The following ARHGAP35 variants were observed in gnomAD, a reference collection of about 807,000 sequenced individuals.
ARHGAP35 encodes the protein rho GTPase-activating protein 35.
Under a neutral mutation model 111.1 loss-of-function variants are expected in ARHGAP35, and 15 were observed. The ratio of observed to expected loss-of-function variants is 0.13; its 90% CI spans 0.09 to 0.21. ARHGAP35 has a LOEUF of 0.21. Ranked by LOEUF, ARHGAP35 falls within the 10% of genes least tolerant of loss-of-function variation. ARHGAP35 has a pLI of 1.00. For synonymous variants in ARHGAP35, 643 were observed against 710.3 expected (o/e 0.91, Z 1.51); for missense variants, 1,262 against 1,873.0 (o/e 0.67, Z 6.02).
At chr19:46,870,004 T>A (rs1392202592) in intron 1 of ARHGAP35, among the ~76,000 whole-genome samples, 2 of 148,930 alleles carry the variant, frequency 1.3e-5, no homozygotes, top group Non-Finnish European at 3.0e-5. Flanking sequence ...TGGAGTGCAG[T>A]GGCGCCATCT....
chr19:46,991,088 G>A (rs1226002797), intron 5 of ARHGAP35, among the ~76,000 whole-genome samples: 11 of 152,168 alleles, frequency 7.2e-5, no homozygotes, highest in Admixed American at 2.6e-4. Context: ...AGTGGGTGGG[G>A]ACAGTTGCAG....
chr19:46,923,271 AT>A (rs1568469091), intron 2 of ARHGAP35, among the ~76,000 whole-genome samples: 2 of 151,914 alleles, frequency 1.3e-5, no homozygotes, highest in African/African-American at 4.8e-5. Flanking sequence ...TGCCCAGCTA[AT>A]TTTTTTATTT....
intron 1 of ARHGAP35, among the ~76,000 whole-genome samples, chr19:46,877,273 T>G (rs1474083302): frequency 1.5e-5 from 2 of 132,394 alleles, no homozygotes; most frequent in African/African-American, 2.9e-5. Flanking sequence ...AAAAAAAAGT[T>G]ATGTTTTGGC....
intron 2 of ARHGAP35, among the ~76,000 whole-genome samples, chr19:46,935,187 ACTT>A (rs1251478320): frequency 1.3e-5 from 2 of 152,208 alleles, no homozygotes; most frequent in Non-Finnish European, 2.9e-5. Context: ...CTATGCCACT[ACTT>A]TATGAGGAGC....
intron 1 of ARHGAP35, among the ~76,000 whole-genome samples, chr19:46,864,884 A>C (rs1332401574): frequency 1.3e-5 from 2 of 152,234 alleles, no homozygotes; most frequent in African/African-American, 2.4e-5. Context: ...AGTGACAGAT[A>C]ATTAAGAATA....
chr19:46,985,440 A>C (rs1360523832), intron 3 of ARHGAP35, among the ~76,000 whole-genome samples: 1 of 152,182 alleles, frequency 6.6e-6, no homozygotes, highest in African/African-American at 2.4e-5. Context: ...TGTCTTCTGG[A>C]ACACTAAGGA....
At chr19:46,938,599 C>T (rs376249034) in intron 3 of ARHGAP35, among the ~76,000 whole-genome samples, 2 of 151,654 alleles carry the variant, frequency 1.3e-5, no homozygotes, top group South Asian at 2.1e-4. Flanking sequence ...GTGATCTGCC[C>T]GCCTCGGCCT....
At chr19:46,976,761 C>G (rs946984207) in intron 3 of ARHGAP35, among the ~76,000 whole-genome samples, 1 of 152,220 alleles carries the variant, frequency 6.6e-6, no homozygotes, top group African/African-American at 2.4e-5. Flanking sequence ...TACCCACTCT[C>G]GGCTGCAGGA....
At chr19:46,888,572 C>T (rs1261424457) in intron 1 of ARHGAP35, among the ~76,000 whole-genome samples, 3 of 151,052 alleles carry the variant, frequency 2.0e-5, no homozygotes, top group Non-Finnish European at 4.4e-5. Flanking sequence ...ATTTCAAGGT[C>T]CCAGGGGTCC....
At chr19:46,975,676 T>C (rs762755431) in intron 3 of ARHGAP35, among the ~76,000 whole-genome samples, 11 of 152,220 alleles carry the variant, frequency 7.2e-5, no homozygotes, top group Non-Finnish European at 1.5e-4. Context: ...CCTTTTCCTG[T>C]CTTCTCTGCT....
rs1159085792 is a variant in ARHGAP35 at position 47,002,900 on chromosome 19, G to C, written c.*2212G>C. The C allele has an allele frequency of 6.6e-6, 1 of 152,286 alleles. No individual in the cohort carries two copies. Among genetic ancestry groups the C allele is most frequent in the East Asian group, 1.9e-4 (1 of 5,202 alleles). The allele number at this position is 152,286 out of a possible 1,614,324, so 9.4% of individuals were successfully genotyped here. A position where few individuals can be genotyped will look rare whatever the true frequency, so the allele number is the denominator to read the frequency against. ...CTTCCCCAGGAGTGTGGAGGGGGTGGTGAGGAGGAGCACCTGGGCTCTCTA... is the reference window on the plus strand; with the variant it reads ...CTTCCCCAGGAGTGTGGAGGGGGTGCTGAGGAGGAGCACCTGGGCTCTCTA... On this transcript the variant is annotated 3_prime_UTR_variant, in exon 7 of 7. Coordinates refer to ENST00000672722, the MANE Select transcript of ARHGAP35 (RefSeq NM_004491.5).
intron 1 of ARHGAP35, among the ~76,000 whole-genome samples, chr19:46,903,976 T>C (rs1391406565): frequency 1.3e-5 from 2 of 152,050 alleles, no homozygotes; most frequent in Admixed American, 1.3e-4. Flanking sequence ...ACAAGCAGAA[T>C]TTTATAGAAG....
rs1425722192 is a variant in ARHGAP35, at chr19:47,000,055, AGT to A, written c.4143-274_4143-273del. Among the ~76,000 whole-genome samples the A allele has an allele frequency of 6.6e-6, 1 of 152,078 alleles. No homozygotes were observed. Among genetic ancestry groups the A allele is most frequent in the East Asian group, 1.9e-4 (1 of 5,162 alleles). On this transcript the variant is annotated intron_variant, in intron 6 of 6. Coordinates refer to ENST00000672722, the MANE Select transcript of ARHGAP35 (RefSeq NM_004491.5). The surrounding 1 kb of genome is among the most constrained non-coding windows in gnomAD (Gnocchi z 6.9). ...CCGCCACTGCTTTGGCTGGCTGCAG[AGT>A]GAGTCCCTGAGGTGGTCCATCCACC...
Position 46,962,834 on chromosome 19 carries a change from G to A in ARHGAP35, c.3827-25155G>A, listed in dbSNP as rs1310933972. Among the ~76,000 whole-genome samples the A allele has an allele frequency of 3.3e-5, 5 of 152,128 alleles. No individual in the cohort carries two copies. In the South Asian group the frequency reaches 6.2e-4, roughly 19 times the overall value. Reference sequence around the variant, plus strand: ...TTACCATGTTGGCCAGGCTGGTCTCGAACTCCTGACCTCAGGTGATCCGCC... The same window carrying A: ...TTACCATGTTGGCCAGGCTGGTCTCAAACTCCTGACCTCAGGTGATCCGCC... On this transcript the variant is annotated intron_variant, in intron 3 of 6. Coordinates refer to ENST00000672722, the MANE Select transcript of ARHGAP35 (RefSeq NM_004491.5).
intron 1 of ARHGAP35, among the ~76,000 whole-genome samples, chr19:46,902,264 G>A (rs1236931683): frequency 1.3e-5 from 2 of 152,202 alleles, no homozygotes; most frequent in Non-Finnish European, 2.9e-5. Flanking sequence ...CACTCTGGAA[G>A]AATATTAGTT....
intron 3 of ARHGAP35, chr19:46,947,013 G>A (rs2056383787): frequency 6.6e-6 from 1 of 152,206 alleles, no homozygotes. Flanking sequence ...CTTCCTTGAT[G>A]GACACATAAT....
intron 1 of ARHGAP35, among the ~76,000 whole-genome samples, chr19:46,882,690 C>T (rs574198347): frequency 3.3e-5 from 5 of 152,206 alleles, no homozygotes; most frequent in Admixed American, 1.3e-4. Context: ...GTGTGATGTT[C>T]CCCTCCCTGT....
At chr19:46,902,535 C>T (rs925273676) in intron 1 of ARHGAP35, among the ~76,000 whole-genome samples, 5 of 152,096 alleles carry the variant, frequency 3.3e-5, no homozygotes, top group Non-Finnish European at 5.9e-5. Flanking sequence ...CATCTGCTCC[C>T]GGCTGCCTTA....
chr19:46,893,603 A>G (rs1204505309), intron 1 of ARHGAP35, among the ~76,000 whole-genome samples: 1 of 152,002 alleles, frequency 6.6e-6, no homozygotes, highest in Admixed American at 6.6e-5. Flanking sequence ...TATTATGAAT[A>G]CTTCTCTCCC....
Sources: allele counts gnomAD v4.1 joint callset (sites outside exome capture counted in the v4.1 genomes callset), GRCh38; gene constraint gnomAD v4.1.1; non-coding constraint Gnocchi (gnomAD v3.1); transcripts MANE v1.5; gene names NCBI Gene and HGNC (gene_info 2026-07-23, HGNC 2026-07-21).